Variants in LRRFIP1 observed in about 807,000 individuals in gnomAD.
LRRFIP1 encodes leucine-rich repeat flightless-interacting protein 1.
LRRFIP1 carries 62 observed loss-of-function variants against 104.4 expected under a neutral mutation model. That is an observed-to-expected ratio of 0.59 (90% CI 0.48 to 0.73). LRRFIP1 has a LOEUF of 0.73. Among genes scored for constraint, LRRFIP1 ranks in the 30% least tolerant of loss-of-function variants. The pLI is 0.00. For synonymous variants in LRRFIP1, 300 were observed against 299.0 expected (o/e 1.00, Z -0.03); for missense variants, 796 against 824.5 (o/e 0.97, Z 0.42).
At chr2:237,749,686 C>T (rs45529935) in intron 13 of LRRFIP1, among the ~76,000 whole-genome samples, 2,346 of 152,288 alleles carry the variant, frequency 0.015, 31 homozygotes, top group Non-Finnish European at 0.025. Flanking sequence ...GGACACCAGA[C>T]GGCTTTACCT....
At chr2:237,771,051 ATGCAC>A (rs943820110) in intron 20 of LRRFIP1, among the ~76,000 whole-genome samples, 1 of 152,134 alleles carries the variant, frequency 6.6e-6, no homozygotes, top group Non-Finnish European at 1.5e-5. Flanking sequence ...TTAAAGCAGC[ATGCAC>A]TTTTGGTTTG....
intron 1 of LRRFIP1, among the ~76,000 whole-genome samples, chr2:237,674,972 G>A (rs1306580031): frequency 6.6e-6 from 1 of 152,246 alleles, no homozygotes; most frequent in Non-Finnish European, 1.5e-5. Context: ...GAGAGAGCCT[G>A]GGCAGTGGGA....
intron 1 of LRRFIP1, among the ~76,000 whole-genome samples, chr2:237,630,272 T>G (rs1381412601): frequency 2.0e-5 from 3 of 152,238 alleles, no homozygotes; most frequent in African/African-American, 7.2e-5. Context: ...TATCTACTCC[T>G]TGAATTCATC....
chr2:237,670,902 T>C (rs1482527704), intron 1 of LRRFIP1, among the ~76,000 whole-genome samples: 4 of 152,148 alleles, frequency 2.6e-5, no homozygotes, highest in Non-Finnish European at 5.9e-5. Flanking sequence ...GGTCTCCTCC[T>C]CCCTCTCCTC....
At chr2:237,752,990 G>A (rs556757959) in intron 14 of LRRFIP1, among the ~76,000 whole-genome samples, 1 of 152,206 alleles carries the variant, frequency 6.6e-6, no homozygotes, top group East Asian at 1.9e-4. Context: ...GTGCTGGGGG[G>A]ATTCCCCAGC....
intron 1 of LRRFIP1, among the ~76,000 whole-genome samples, chr2:237,705,026 C>T (rs1244506436): frequency 2.0e-5 from 3 of 152,192 alleles, no homozygotes; most frequent in African/African-American, 4.8e-5. Flanking sequence ...GGCAGACCCC[C>T]GAGAGCAGCG....
intron 1 of LRRFIP1, among the ~76,000 whole-genome samples, chr2:237,672,781 T>C (rs1459113087): frequency 6.6e-6 from 1 of 152,242 alleles, no homozygotes; most frequent in Non-Finnish European, 1.5e-5. Context: ...AATAAGACTT[T>C]ACAGTATCCA....
At chr2:237,709,409 T>G (rs1419498177) in intron 2 of LRRFIP1, among the ~76,000 whole-genome samples, 1 of 152,188 alleles carries the variant, frequency 6.6e-6, no homozygotes, top group Non-Finnish European at 1.5e-5. Context: ...GCTTTTCTTC[T>G]TAAGAAGATG....
intron 19 of LRRFIP1, chr2:237,769,659 C>A: frequency 2.6e-6 from 1 of 387,374 alleles, no homozygotes; most frequent in Non-Finnish European, 4.8e-6. Context: ...GTGGTTTGGC[C>A]CTAGCGTTCT....
intron 1 of LRRFIP1, among the ~76,000 whole-genome samples, chr2:237,686,100 C>T (rs1306923034): frequency 6.6e-6 from 1 of 152,192 alleles, no homozygotes; most frequent in Non-Finnish European, 1.5e-5. Flanking sequence ...AAGGTTCCTT[C>T]CTTCAGGCTC....
intron 6 of LRRFIP1, chr2:237,721,831 A>T (rs2094545144): frequency 6.6e-6 from 1 of 152,206 alleles, no homozygotes; most frequent in Non-Finnish European, 1.5e-5. Context: ...TTGCCAAAAA[A>T]CTGTGGTTCA....
At position 237,765,277 on chromosome 2, in the gene LRRFIP1, AAACAC is replaced by A. The variant is rs770157419; in HGVS notation, c.1460-4664_1460-4660del. On this transcript the variant is annotated intron_variant, in intron 19 of 23. Transcript: ENST00000308482. Reference sequence around the variant, plus strand: ...AAACTCTGTCTAAAAAAAAAAAAAAAAACACACACACACACAACACAATGTTTTCA... The same window carrying A: ...AAACTCTGTCTAAAAAAAAAAAAAAAACACACACACAACACAATGTTTTCA... 178 of 157,908 alleles carry A rather than the reference AAACAC, an allele frequency of 1.1e-3. 1 individual carries two copies. The highest frequency in any genetic ancestry group is 3.1e-3 in the Middle Eastern group (1 of 322). 9.8% of individuals were successfully genotyped at this position (157,908 alleles called of 1,614,324 possible).
At chr2:237,741,310 G>T (rs1464824780) in intron 11 of LRRFIP1, among the ~76,000 whole-genome samples, 2 of 152,216 alleles carry the variant, frequency 1.3e-5, no homozygotes, top group African/African-American at 4.8e-5. Context: ...AAAGTAAATG[G>T]TTGTGAACAA....
chr2:237,670,905 C>A (rs1038135680), intron 1 of LRRFIP1, among the ~76,000 whole-genome samples: 1 of 152,228 alleles, frequency 6.6e-6, no homozygotes, highest in Non-Finnish European at 1.5e-5. Flanking sequence ...CTCCTCCTCC[C>A]TCTCCTCCTC....
chr2:237,751,360 C>A, intron 14 of LRRFIP1, 89 bp downstream of exon 14: 2 of 1,062,784 alleles, frequency 1.9e-6, no homozygotes, highest in Non-Finnish European at 2.8e-6. Flanking sequence ...ATTCAAAGTG[C>A]ATGCTTACTG....
chr2:237,721,047 G>A, intron 6 of LRRFIP1: 1 of 500,290 alleles, frequency 2.0e-6, no homozygotes, highest in Non-Finnish European at 3.7e-6. Flanking sequence ...TTTCTCCCGA[G>A]ATGAAGTCAT....
intron 1 of LRRFIP1, among the ~76,000 whole-genome samples, chr2:237,678,743 A>C (rs1000094628): frequency 2.0e-5 from 3 of 152,066 alleles, no homozygotes; most frequent in African/African-American, 7.2e-5. Flanking sequence ...CCTGACCTCA[A>C]GTGATCTGCC....
intron 20 of LRRFIP1, among the ~76,000 whole-genome samples, chr2:237,771,193 G>GA (rs1489588156): frequency 6.6e-6 from 1 of 150,982 alleles, no homozygotes; most frequent in African/African-American, 2.4e-5. Context: ...CTAGATGCCA[G>GA]AAAGTTCTGC....
intron 9 of LRRFIP1, 99 bp downstream of exon 9, chr2:237,733,917 C>G (rs2095131337): frequency 7.6e-7 from 1 of 1,310,024 alleles, no homozygotes; most frequent in Admixed American, 1.8e-5. Flanking sequence ...TTCCCAGCCC[C>G]CTGGGGGAAG....
Sources: allele counts gnomAD v4.1 joint callset (sites outside exome capture counted in the v4.1 genomes callset), GRCh38; gene constraint gnomAD v4.1.1; transcripts MANE v1.5; gene names NCBI Gene and HGNC (gene_info 2026-07-23, HGNC 2026-07-21).